Variants in DNAH2 observed in about 807,000 individuals in gnomAD.
The protein encoded by DNAH2 is dynein axonemal heavy chain 2.
Under a neutral mutation model 523.5 loss-of-function variants are expected in DNAH2, and 323 were observed. The ratio of observed to expected loss-of-function variants is 0.62; its 90% CI spans 0.56 to 0.68. DNAH2 has a LOEUF of 0.68. Ranked by LOEUF, DNAH2 falls within the 30% of genes least tolerant of loss-of-function variation. DNAH2 has a pLI of 0.00. For synonymous variants in DNAH2, 2,093 were observed against 2,177.4 expected, an observed-to-expected ratio of 0.96 and a Z score of 1.08; for missense variants, 4,907 against 5,701.5, an observed-to-expected ratio of 0.86 and a Z score of 4.49.
chr17:7,803,907 C>T (rs867729920), intron 58 of DNAH2, among the ~76,000 whole-genome samples: 5 of 152,212 alleles, frequency 3.3e-5, no homozygotes, highest in Middle Eastern at 3.2e-3. Context: ...AGCTGAGGGA[C>T]GGCTGCCTGC....
chr17:7,803,475 A>T (rs1162319238), intron 58 of DNAH2, among the ~76,000 whole-genome samples: 1 of 152,112 alleles, frequency 6.6e-6, no homozygotes, highest in African/African-American at 2.4e-5. Context: ...GTTCAAGAAC[A>T]GCCTGGCCAA....
Position 7,766,458 on chromosome 17 carries a change from A to C in DNAH2, c.3652A>C (p.Lys1218Gln). 2 of 1,613,766 alleles carry C rather than the reference A, an allele frequency of 1.2e-6. No homozygotes were observed. The highest frequency in any genetic ancestry group is 1.7e-6 in the Non-Finnish European group (2 of 1,179,846). Residue 1218 changes from lysine (K) to glutamine (Q), a missense_variant, in exon 22 of 86, where the codon AAG becomes CAG. Coordinates refer to ENST00000572933, the MANE Select transcript of DNAH2 (RefSeq NM_020877.5). Reference sequence around the variant, plus strand: ...CTTCAAGATCGAGCAGCCACCCTCCAAGGACCTTCAGAACCTGGAGAAGGT... The same window carrying C: ...CTTCAAGATCGAGCAGCCACCCTCCCAGGACCTTCAGAACCTGGAGAAGGT... ...GIFKIEQPPS[K>Q]DLQNLEKELD...
chr17:7,759,173 C>G, intron 15 of DNAH2, 49 bp downstream of exon 15: 1 of 1,606,720 alleles, frequency 6.2e-7, no homozygotes, highest in Non-Finnish European at 8.5e-7. Flanking sequence ...CCACAGTCCC[C>G]CAGTTCCATC....
At chr17:7,742,843 C>A (rs1039854894) in intron 11 of DNAH2, 85 bp from the exon 12 acceptor site, 7 of 965,680 alleles carry the variant, frequency 7.2e-6, no homozygotes, top group Non-Finnish European at 1.0e-5. Flanking sequence ...TGTGCGCATG[C>A]GCGCATGTGT....
At chr17:7,729,695 G>A (rs542333584) in intron 4 of DNAH2, among the ~76,000 whole-genome samples, 2 of 152,306 alleles carry the variant, frequency 1.3e-5, no homozygotes, top group Admixed American at 1.3e-4. Context: ...CTCCGAAAGT[G>A]CTGGGATTAC....
intron 2 of DNAH2, among the ~76,000 whole-genome samples, chr17:7,722,964 CTTTT>C (rs559136734): frequency 1.0e-4 from 12 of 114,694 alleles, no homozygotes; most frequent in Admixed American, 6.3e-4. Context: ...CTTTTCTTTC[CTTTT>C]TTTTTTTTTT....
chr17:7,815,709 C>T (rs552210429), intron 63 of DNAH2, among the ~76,000 whole-genome samples: 11 of 150,628 alleles, frequency 7.3e-5, no homozygotes, highest in South Asian at 2.1e-4. Flanking sequence ...CACATGTATA[C>T]GGGATCACAC....
intron 12 of DNAH2, among the ~76,000 whole-genome samples, chr17:7,752,258 G>C (rs1170851104): frequency 6.9e-6 from 1 of 145,402 alleles, no homozygotes; most frequent in Admixed American, 6.9e-5. Context: ...TCTTTTTCTT[G>C]ATGATAATAT....
rs565408417 is a variant in DNAH2, at chr17:7,826,169, G to A, written c.11853+1442G>A. Among the ~76,000 whole-genome samples the A allele has an allele frequency of 9.2e-5, 14 of 152,292 alleles. No homozygotes were observed. The South Asian group carries it at 1.2e-3, about 14-fold the overall frequency. On this transcript the variant is annotated intron_variant, in intron 77 of 85. Coordinates refer to ENST00000572933, the MANE Select transcript of DNAH2 (RefSeq NM_020877.5). ...TGAGTAGCTGGGACTACAGGTGTGC[G>A]CCACTACGCCCTACTAATTTTTGCA...
At chr17:7,796,336 A>G (rs937525282) in intron 49 of DNAH2, 128 bp from the exon 50 acceptor site, 2 of 1,028,694 alleles carry the variant, frequency 1.9e-6, no homozygotes, top group Non-Finnish European at 1.4e-6. Context: ...GGCATGAGCC[A>G]CCGTGCCCGG....
Position 7,831,026 on chromosome 17 carries a change from G to A in DNAH2, c.12231-60G>A, listed in dbSNP as rs1352592040. The A allele has an allele frequency of 6.4e-7, 1 of 1,561,478 alleles. No individual in the cohort carries two copies. Among genetic ancestry groups the A allele is most frequent in the Non-Finnish European group, 8.7e-7 (1 of 1,144,050 alleles). On this transcript the variant is annotated intron_variant, in intron 79 of 85. Transcript: ENST00000572933. The surrounding 1 kb of genome is among the most constrained non-coding windows in gnomAD (Gnocchi z 4.2). ...TGGACATGCATAGGTTTGGGGTCTT[G>A]GCCTGGCATTGAGGGCTGAGTCCCC...
Position 7,832,166 on chromosome 17 carries a change from C to G in DNAH2, c.12726+391C>G, listed in dbSNP as rs995453446. Among the ~76,000 whole-genome samples, 3 of 152,102 alleles carry G rather than the reference C, an allele frequency of 2.0e-5. No homozygotes were observed. Among genetic ancestry groups the G allele is most frequent in the African/African-American group, 7.2e-5 (3 of 41,402 alleles). The stretch of plus-strand genomic sequence containing the variant: ...GCTTTGTTCACCTGTAGTTGGGGAA[C>G]AGGGGCTGCCACCACATAGTCTTCT... On this transcript the variant is annotated intron_variant, in intron 82 of 85. Coordinates refer to ENST00000572933, the MANE Select transcript of DNAH2 (RefSeq NM_020877.5). This position sits in a 1 kb window ranked among gnomAD's most constrained non-coding sequence, Gnocchi z 4.3.
chr17:7,832,907 C>A lies in DNAH2; in HGVS notation c.12957C>A (p.Ser4319Arg), dbSNP rs368128475. ...WEFIVSTVDD[S>R]NLVYPPKDGV... ...TTATCGTTTCCACTGTGGATGACAG[C>A]AACCTAGTGTATCCCCCCAAGGTGG... Residue 4319 changes from serine (S) to arginine (R), a missense_variant, in exon 84 of 86, where the codon AGC becomes AGA. By Grantham distance (110) the Ser-to-Arg change is moderately radical. Transcript: ENST00000572933. The surrounding 1 kb of genome is among the most constrained non-coding windows in gnomAD (Gnocchi z 4.3). 4 of 1,614,102 alleles carry A rather than the reference C, an allele frequency of 2.5e-6. No individual in the cohort carries two copies. The highest frequency in any genetic ancestry group is 3.4e-6 in the Non-Finnish European group (4 of 1,180,044).
chr17:7,758,120 G>A (rs1407870138), intron 13 of DNAH2, among the ~76,000 whole-genome samples: 1 of 152,208 alleles, frequency 6.6e-6, no homozygotes, highest in Non-Finnish European at 1.5e-5. Flanking sequence ...GTGGCCTCCA[G>A]CTGCATGTGG....
In DNAH2 at chr17:7,817,624, A is replaced by G; in HGVS notation, c.10084A>G (p.Thr3362Ala). ...FAIDNFLCNP[T>A]KVRDWNIQGL... ...CATCGATAACTTCCTGTGCAATCCT[A>G]CCAAAGTCCGGGACTGGAACATCCA... Residue 3362 changes from threonine to alanine, a missense_variant, in exon 66 of 86, where the codon ACC becomes GCC. Transcript: ENST00000572933. 1 of 1,614,014 alleles carries G rather than the reference A, an allele frequency of 6.2e-7. No individual in the cohort carries two copies. The highest frequency in any genetic ancestry group is 8.5e-7 in the Non-Finnish European group (1 of 1,179,990).
intron 39 of DNAH2, among the ~76,000 whole-genome samples, chr17:7,782,999 T>C (rs1022138527): frequency 6.6e-6 from 1 of 152,166 alleles, no homozygotes; most frequent in Non-Finnish European, 1.5e-5. Flanking sequence ...AGGATGATGG[T>C]GGTGCACTGG....
chr17:7,806,723 C>T (rs2077377555), intron 61 of DNAH2, among the ~76,000 whole-genome samples: 1 of 151,092 alleles, frequency 6.6e-6, no homozygotes, highest in Non-Finnish European at 1.5e-5. Context: ...CAGGAATGCC[C>T]TCAGGCCCCC....
chr17:7,744,688 AT>A (rs1458638570), intron 12 of DNAH2, among the ~76,000 whole-genome samples: 3 of 152,170 alleles, frequency 2.0e-5, no homozygotes, highest in African/African-American at 7.2e-5. Context: ...TTTGTGAGTT[AT>A]GGCCAAGCAC....
intron 30 of DNAH2, among the ~76,000 whole-genome samples, chr17:7,775,570 A>G (rs2076426143): frequency 6.6e-6 from 1 of 152,040 alleles, no homozygotes; most frequent in South Asian, 2.1e-4. Flanking sequence ...TGGTAATCCC[A>G]GCTACTCGGG....
Sources: allele counts gnomAD v4.1 joint callset (sites outside exome capture counted in the v4.1 genomes callset), GRCh38; gene constraint gnomAD v4.1.1; non-coding constraint Gnocchi (gnomAD v3.1); transcripts MANE v1.5; gene names NCBI Gene and HGNC (gene_info 2026-07-23, HGNC 2026-07-21).